CAB39L: variants seen among roughly 807,000 people sequenced by gnomAD.
CAB39L encodes calcium-binding protein 39-like.
In CAB39L, 23 loss-of-function variants were observed where a neutral mutation model predicts 39.1. That is an observed-to-expected ratio of 0.59 (90% CI 0.42 to 0.83). CAB39L has a LOEUF of 0.83. Among genes scored for constraint, CAB39L ranks in the 40% least tolerant of loss-of-function variants. The pLI is 0.00. For missense variants in CAB39L, 366 were observed against 391.9 expected, an observed-to-expected ratio of 0.93 and a Z score of 0.56; for synonymous variants, 126 against 137.2, an observed-to-expected ratio of 0.92 and a Z score of 0.57.
intron 6 of CAB39L, among the ~76,000 whole-genome samples, chr13:49,354,997 T>C (rs891614473): frequency 6.6e-6 from 1 of 152,210 alleles, no homozygotes; most frequent in Non-Finnish European, 1.5e-5. Context: ...GGAAAGCTTT[T>C]GTAAAATGCC....
At chr13:49,351,770 C>T (rs1440773568) in intron 6 of CAB39L, among the ~76,000 whole-genome samples, 2 of 152,002 alleles carry the variant, frequency 1.3e-5, no homozygotes, top group African/African-American at 4.8e-5. Flanking sequence ...GGATACTGTT[C>T]GGAGGAAGAG....
intron 3 of CAB39L, among the ~76,000 whole-genome samples, chr13:49,422,661 C>A (rs1323323870): frequency 6.6e-6 from 1 of 151,102 alleles, no homozygotes; most frequent in Non-Finnish European, 1.5e-5. Context: ...GTCCCCCAGG[C>A]TGGTCTCAAA....
intron 5 of CAB39L, among the ~76,000 whole-genome samples, chr13:49,366,163 A>G (rs867514847): frequency 1.3e-5 from 2 of 152,156 alleles, no homozygotes; most frequent in Non-Finnish European, 2.9e-5. Flanking sequence ...TAGGAAGGGT[A>G]GCAGGGGAGT....
intron 5 of CAB39L, among the ~76,000 whole-genome samples, chr13:49,369,763 T>A (rs988624796): frequency 7.9e-5 from 12 of 152,054 alleles, no homozygotes; most frequent in Non-Finnish European, 4.4e-5. Flanking sequence ...AATTTTTGTA[T>A]TTTTAGTAGA....
chr13:49,325,314 T>C (rs1400556625), intron 10 of CAB39L, among the ~76,000 whole-genome samples: 2 of 152,224 alleles, frequency 1.3e-5, no homozygotes, highest in African/African-American at 4.8e-5. Flanking sequence ...TTAAAAGCAG[T>C]TGGTGAGACA....
intron 1 of CAB39L, among the ~76,000 whole-genome samples, chr13:49,443,661 G>A (rs1205660051): frequency 6.6e-6 from 1 of 152,044 alleles, no homozygotes; most frequent in African/African-American, 2.4e-5. Flanking sequence ...AGAGCTCCCA[G>A]GAACCAATGT....
chr13:49,368,376 C>T (rs1488140231), intron 5 of CAB39L, among the ~76,000 whole-genome samples: 2 of 152,292 alleles, frequency 1.3e-5, no homozygotes, highest in Non-Finnish European at 2.9e-5. Context: ...AACACTGAAA[C>T]AGGTACAAGC....
chr13:49,321,680 G>C (rs1288861488), intron 10 of CAB39L, among the ~76,000 whole-genome samples: 1 of 152,196 alleles, frequency 6.6e-6, no homozygotes, highest in Admixed American at 6.5e-5. Context: ...CTTATCTAAA[G>C]GTAGGGGCAA....
At chr13:49,397,066 A>G (rs968849246) in intron 3 of CAB39L, among the ~76,000 whole-genome samples, 1 of 152,220 alleles carries the variant, frequency 6.6e-6, no homozygotes, top group Non-Finnish European at 1.5e-5. Context: ...ATATCATTAT[A>G]TATGTAATAA....
At chr13:49,419,445 G>C (rs921513730) in intron 3 of CAB39L, among the ~76,000 whole-genome samples, 1 of 152,180 alleles carries the variant, frequency 6.6e-6, no homozygotes, top group Non-Finnish European at 1.5e-5. Context: ...ACATGTGGTG[G>C]CATATGCCTG....
chr13:49,406,333 A>ATTTTTTTTTT (rs34078174), intron 3 of CAB39L, among the ~76,000 whole-genome samples: 95 of 90,550 alleles, frequency 1.0e-3, no homozygotes, highest in African/African-American at 1.6e-3. Context: ...ATGCCCAGCT[A>ATTTTTTTTTT]TTTTTTTTTT....
At chr13:49,357,595 G>A (rs1333375360) in intron 6 of CAB39L, among the ~76,000 whole-genome samples, 2 of 152,152 alleles carry the variant, frequency 1.3e-5, no homozygotes, top group East Asian at 1.9e-4. Context: ...AAATGTTTTA[G>A]TTTTTAAATA....
chr13:49,358,149 T>A (rs1279243713), intron 6 of CAB39L, among the ~76,000 whole-genome samples: 1 of 152,204 alleles, frequency 6.6e-6, no homozygotes, highest in Non-Finnish European at 1.5e-5. Context: ...TATAGAAGCT[T>A]TGTATCCCCT....
At chr13:49,414,572 G>A (rs1957048926) in intron 3 of CAB39L, among the ~76,000 whole-genome samples, 1 of 152,048 alleles carries the variant, frequency 6.6e-6, no homozygotes, top group South Asian at 2.1e-4. Flanking sequence ...TATTTTAAGT[G>A]CCATATATAG....
chr13:49,317,886 G>C (rs758039815), intron 10 of CAB39L, among the ~76,000 whole-genome samples: 6 of 151,922 alleles, frequency 3.9e-5, no homozygotes, highest in Non-Finnish European at 8.8e-5. Context: ...TTGTATCCAG[G>C]ATATATAAAG....
chr13:49,329,589 AT>A (rs1954626911), intron 10 of CAB39L, among the ~76,000 whole-genome samples: 7 of 122,554 alleles, frequency 5.7e-5, no homozygotes, highest in African/African-American at 1.9e-4. Flanking sequence ...ATATATATAT[AT>A]ATATATAATG....
Position 49,360,601 on chromosome 13 carries a change from A to T in CAB39L, c.277-769T>A, listed in dbSNP as rs527660107. 2.0e-5 allele frequency among the ~76,000 whole-genome samples: 3 copies of T among 152,290 alleles called. No homozygotes were observed. The East Asian group carries it at 5.8e-4, about 29-fold the overall frequency. On this transcript the variant is annotated intron_variant, in intron 5 of 10. Transcript: ENST00000409308. ...AGTTTACTATATGAAAAATAAGTAC[A>T]AGAATGACTGATATGGTTTGGCTCT...
chr13:49,412,813 T>TG (rs1307396242), intron 3 of CAB39L: 1 of 152,186 alleles, frequency 6.6e-6, no homozygotes, highest in Admixed American at 6.6e-5. Context: ...ACATGCACAG[T>TG]TCACAGAAGG....
chr13:49,335,924 GT>G (rs1954834610), intron 9 of CAB39L, among the ~76,000 whole-genome samples: 1 of 152,112 alleles, frequency 6.6e-6, no homozygotes, highest in Non-Finnish European at 1.5e-5. Context: ...ACTTAAGACA[GT>G]TTATTACTTA....
Sources: gnomAD v4.1 joint callset for allele counts (sites outside exome capture counted in the v4.1 genomes callset) on GRCh38, gnomAD v4.1.1 for gene constraint, MANE v1.5 for transcripts, NCBI Gene and HGNC (gene_info 2026-07-23, HGNC 2026-07-21) for gene names.